The following TSPAN5 variants were observed in gnomAD, a reference collection of about 807,000 sequenced individuals.
TSPAN5 encodes the protein tetraspanin 5, also known as tetraspanin-5.
TSPAN5 carries 10 observed loss-of-function variants against 37.1 expected under a neutral mutation model. That is an observed-to-expected ratio of 0.27 (90% confidence interval 0.17 to 0.46). The LOEUF is 0.46. TSPAN5 is among the 20% of genes least tolerant of loss of function. TSPAN5 has a pLI of 1.00. For missense variants in TSPAN5, 195 were observed against 326.6 expected, an observed-to-expected ratio of 0.60 and a Z score of 3.11; for synonymous variants, 110 against 118.9, an observed-to-expected ratio of 0.93 and a Z score of 0.48.
At chr4:98,489,458 G>A (rs1017487498) in intron 2 of TSPAN5, among the ~76,000 whole-genome samples, 2 of 152,134 alleles carry the variant, frequency 1.3e-5, no homozygotes, top group African/African-American at 4.8e-5. Flanking sequence ...GCAGGGAGTG[G>A]GCAACCCCTT....
chr4:98,630,921 A>G (rs1756731234), intron 1 of TSPAN5, among the ~76,000 whole-genome samples: 1 of 152,208 alleles, frequency 6.6e-6, no homozygotes, highest in South Asian at 2.1e-4. Context: ...CAACTTACTC[A>G]TAAATCTCAA....
rs1752601043 is a variant in TSPAN5 at position 98,472,221 on chromosome 4, A to G, written c.*301T>C. ...CAAGAATGTATTTTCTGCACATTCA[A>G]GTACATCTGGGTCCCCTACCCTCCC... is the stretch of plus-strand genomic sequence containing the variant. On this transcript the variant is annotated 3_prime_UTR_variant, in exon 8 of 8. Transcript: ENST00000305798. The G allele has an allele frequency of 7.1e-6, 2 of 282,904 alleles. No individual in the cohort carries two copies. Among genetic ancestry groups the G allele is most frequent in the South Asian group, 1.2e-4 (1 of 8,038 alleles). 17.5% of individuals were successfully genotyped at this position (282,904 alleles called of 1,614,324 possible).
chr4:98,493,258 T>C (rs546945093), intron 2 of TSPAN5, among the ~76,000 whole-genome samples: 49 of 152,336 alleles, frequency 3.2e-4, no homozygotes, highest in Middle Eastern at 3.4e-3. Flanking sequence ...ATGCCAGAAG[T>C]GCACACACAG....
chr4:98,534,186 A>C (rs1020993526), intron 1 of TSPAN5, among the ~76,000 whole-genome samples: 3 of 152,070 alleles, frequency 2.0e-5, no homozygotes, highest in African/African-American at 7.3e-5. Context: ...CACTGCTTTA[A>C]ATGTGTCCCA....
At chr4:98,560,273 A>G (rs1165526340) in intron 1 of TSPAN5, 3 of 152,252 alleles carry the variant, frequency 2.0e-5, no homozygotes. Context: ...CAAAAGCTAA[A>G]GCAGAGCAGG....
intron 6 of TSPAN5, 41 bp from the exon 7 acceptor site, chr4:98,476,346 C>CACCAG: frequency 1.2e-6 from 2 of 1,612,754 alleles, no homozygotes; most frequent in Non-Finnish European, 1.7e-6. Flanking sequence ...ACAGATAGAG[C>CACCAG]ACCAGGCACA....
At position 98,495,121 on chromosome 4, in the gene TSPAN5, G is replaced by C. The variant is rs534259141; in HGVS notation, c.133-8237C>G. Among the ~76,000 whole-genome samples, 10 of 152,324 alleles carry C rather than the reference G, an allele frequency of 6.6e-5. No homozygotes were observed. The South Asian group carries it at 2.1e-3, about 32-fold the overall frequency. ...TGCTGGGGTGCTGACTGGCACACTG[G>C]TTGTCAGTCACCACTCTGGAGTGAC... On this transcript the variant is annotated intron_variant, in intron 2 of 7. Transcript: ENST00000305798.
intron 4 of TSPAN5, among the ~76,000 whole-genome samples, chr4:98,479,429 C>T (rs183552343): frequency 9.4e-4 from 143 of 152,240 alleles, no homozygotes; most frequent in Non-Finnish European, 1.6e-3. Flanking sequence ...GCCAACAGTG[C>T]GTGATGTGCT....
intron 1 of TSPAN5, among the ~76,000 whole-genome samples, chr4:98,588,439 T>G (rs1019654048): frequency 6.6e-5 from 10 of 152,156 alleles, no homozygotes; most frequent in Non-Finnish European, 1.2e-4. Flanking sequence ...CCCAAGTCTA[T>G]TACTTCTAAA....
Position 98,479,545 on chromosome 4 carries a change from C to T in TSPAN5, c.451-735G>A, listed in dbSNP as rs577848786. Reference sequence around the variant, plus strand: ...TGTTCATAGCTCTGGGAATAGAATGCGACCTTTGTGGAGAGCCTATAAACA... The same window carrying T: ...TGTTCATAGCTCTGGGAATAGAATGTGACCTTTGTGGAGAGCCTATAAACA... On this transcript the variant is annotated intron_variant, in intron 4 of 7. Transcript: ENST00000305798. 3.0e-4 allele frequency among the ~76,000 whole-genome samples: 45 copies of T among 152,188 alleles called. No individual in the cohort carries two copies. In the South Asian group the frequency reaches 8.3e-3, roughly 28 times the overall value.
intron 1 of TSPAN5, among the ~76,000 whole-genome samples, chr4:98,541,674 CAAAAAA>C (rs746840547): frequency 1.9e-5 from 2 of 104,390 alleles, no homozygotes; most frequent in African/African-American, 3.9e-5. Context: ...GACTCTGTCT[CAAAAAA>C]AAAAAAAAAA....
At chr4:98,581,743 T>TA (rs57326211) in intron 1 of TSPAN5, among the ~76,000 whole-genome samples, 1 of 152,170 alleles carries the variant, frequency 6.6e-6, no homozygotes, top group Admixed American at 6.5e-5. Flanking sequence ...CTGATTTTTT[T>TA]AAAAAAACAC....
At chr4:98,507,582 A>C in intron 2 of TSPAN5, 96 bp downstream of exon 2, 1 of 875,222 alleles carries the variant, frequency 1.1e-6, no homozygotes, top group Non-Finnish European at 1.8e-6. Context: ...CCATGTTTAT[A>C]CTCTGTGGTT....
At chr4:98,510,076 C>T (rs1033026715) in intron 1 of TSPAN5, 2 of 152,158 alleles carry the variant, frequency 1.3e-5, no homozygotes, top group East Asian at 3.9e-4. Flanking sequence ...GTTTTTATTA[C>T]TTTCCAGGCA....
chr4:98,575,057 C>T (rs28696298), intron 1 of TSPAN5, among the ~76,000 whole-genome samples: 6,502 of 152,258 alleles, frequency 0.043, 165 homozygotes, highest in Middle Eastern at 0.078. Context: ...AGAGCCAGCA[C>T]GCTGAGTGGA....
intron 1 of TSPAN5, among the ~76,000 whole-genome samples, chr4:98,586,673 C>T (rs548347420): frequency 6.6e-6 from 1 of 152,328 alleles, no homozygotes; most frequent in East Asian, 1.9e-4. Flanking sequence ...GAGTTTGTTA[C>T]AGTTAATCAA....
At chr4:98,585,243 G>T (rs1456019817) in intron 1 of TSPAN5, among the ~76,000 whole-genome samples, 1 of 152,160 alleles carries the variant, frequency 6.6e-6, no homozygotes, top group Admixed American at 6.5e-5. Context: ...GGTGAACACT[G>T]TAACAAACAA....
intron 1 of TSPAN5, among the ~76,000 whole-genome samples, chr4:98,585,165 A>T (rs1246566150): frequency 2.6e-5 from 4 of 152,196 alleles, no homozygotes; most frequent in African/African-American, 9.6e-5. Flanking sequence ...GTACAAGTGC[A>T]TATTTTCTGG....
chr4:98,618,222 C>T (rs1324627925), intron 1 of TSPAN5, among the ~76,000 whole-genome samples: 4 of 151,438 alleles, frequency 2.6e-5, no homozygotes, highest in Non-Finnish European at 5.9e-5. Context: ...GGACCATTTC[C>T]CCTTTTCAAT....
Sources: allele counts gnomAD v4.1 joint callset (sites outside exome capture counted in the v4.1 genomes callset), GRCh38; gene constraint gnomAD v4.1.1; transcripts MANE v1.5; gene names NCBI Gene and HGNC (gene_info 2026-07-23, HGNC 2026-07-21).